RGS11: variants seen among roughly 807,000 people sequenced by gnomAD.
RGS11 encodes the protein regulator of G protein signaling 11, also known as regulator of G-protein signaling 11.
RGS11 carries 86 observed loss-of-function variants against 71.1 expected under a neutral mutation model. The observed-to-expected ratio is 1.21, with a 90% CI of 1.02 to 1.45. The LOEUF is 1.45. Ranked by LOEUF, RGS11 falls within the 40% of genes most tolerant of loss-of-function variation. RGS11 has a pLI of 0.00. For missense variants in RGS11, 734 were observed against 635.1 expected, an observed-to-expected ratio of 1.16 and a Z score of -1.67; for synonymous variants, 298 against 254.2, an observed-to-expected ratio of 1.17 and a Z score of -1.64.
In RGS11 at chr16:271,186, C is replaced by T. The variant is rs1443256493; in HGVS notation, c.863+16G>A. The T allele has an allele frequency of 6.2e-7, 1 of 1,610,872 alleles. No homozygotes were observed. The highest frequency in any genetic ancestry group is 2.2e-5 in the East Asian group (1 of 44,864). On this transcript the variant is annotated intron_variant, in intron 12 of 16. Coordinates refer to ENST00000397770, the MANE Select transcript of RGS11 (RefSeq NM_183337.3). ...TGGGAGCACACCCGCAGTCCCGCTG[C>T]CCCGCCTGGGCTCACGTGGGGGCAT...
At chr16:272,469 G>A in intron 9 of RGS11, 1 of 1,332,628 alleles carries the variant, frequency 7.5e-7, no homozygotes, top group Non-Finnish European at 9.8e-7. Context: ...CTCTGGTCTG[G>A]TCCCTCTGGT....
At chr16:270,115 G>C (rs1242088345) in intron 15 of RGS11, among the ~76,000 whole-genome samples, 1 of 152,072 alleles carries the variant, frequency 6.6e-6, no homozygotes, top group Non-Finnish European at 1.5e-5. Flanking sequence ...CGGGCGTGGT[G>C]GCGGGCGCCT....
intron 1 of RGS11, 103 bp from the exon 2 acceptor site, chr16:275,601 CGGCGGCGGCGGATTCCAGGCCGCAGCT>C: frequency 4.0e-6 from 4 of 994,654 alleles, no homozygotes; most frequent in Non-Finnish European, 5.6e-6. Flanking sequence ...GATTAACGCG[CGGCGGCGGCGGATTCCAGGCCGCAGCT>C]GGCGGCGGGG....
intron 4 of RGS11, chr16:274,675 TG>T: frequency 1.5e-6 from 1 of 666,696 alleles, no homozygotes; most frequent in South Asian, 1.5e-5. Context: ...CCTCAGGACC[TG>T]GGCCTAGGGA....
rs2052153749 is a variant in RGS11 at position 275,768 on chromosome 16, C to T, written c.63+81G>A. 2.2e-5 allele frequency: 6 copies of T among 278,016 alleles called. No homozygotes were observed. The South Asian group carries it at 8.8e-4, about 41-fold the overall frequency. 17.2% of individuals were successfully genotyped at this position (278,016 alleles called of 1,614,324 possible). ...AGGCCCGCCCCGCCCCGCGCGCCCC[C>T]GTGTCCCCATGCTCTCCGGCCCCTC... On this transcript the variant is annotated intron_variant, in intron 1 of 16. Transcript: ENST00000397770.
In RGS11 at chr16:268,890, T is replaced by C; in HGVS notation, c.*379A>G. ...GAAGCCGCCCGCCTGTGCATCTTGC[T>C]TCCGGGTATTCGCTGGCTGATTTAC... On this transcript the variant is annotated 3_prime_UTR_variant, in exon 17 of 17. Coordinates refer to ENST00000397770, the MANE Select transcript of RGS11 (RefSeq NM_183337.3). 1 of 1,550,542 alleles carries C rather than the reference T, an allele frequency of 6.4e-7. No individual in the cohort carries two copies. The highest frequency in any genetic ancestry group is 1.2e-5 in the South Asian group (1 of 84,064).
intron 15 of RGS11, 71 bp from the exon 16 acceptor site, chr16:269,656 C>T: frequency 1.6e-6 from 2 of 1,239,292 alleles, no homozygotes; most frequent in Non-Finnish European, 2.3e-6. Context: ...CCCGAAGGAG[C>T]AGCCAAACAT....
chr16:270,648 G>A lies in RGS11; in HGVS notation c.1081C>T (p.Pro361Ser), dbSNP rs1441210054. The A allele has an allele frequency of 1.9e-6, 3 of 1,609,874 alleles. No individual in the cohort carries two copies. The highest frequency in any genetic ancestry group is 2.7e-5 in the African/African-American group (2 of 74,874). ...ATGTTGACCCAGTGGGCAGCTCCGG[G>A]GGCCAGGAACTGCCTAGGGGTGGGG... ...VDAVYEQFLA[P>S]GAAHWVNIDS... Residue 361 changes from proline to serine, a missense_variant, in exon 15 of 17, where the codon CCC becomes TCC. Physicochemically the swap from Pro to Ser is moderately conservative, Grantham distance 74. Transcript: ENST00000397770.
rs768541429 is a variant in RGS11, at chr16:270,591, C to T, written c.1138G>A (p.Gly380Arg). 48 of 1,608,322 alleles carry T rather than the reference C, an allele frequency of 3.0e-5. No individual in the cohort carries two copies. The highest frequency in any genetic ancestry group is 3.7e-5 in the Non-Finnish European group (44 of 1,178,060). ...DSRTMEQTLEGLRQPHRYVLD... is the reference protein window; with the variant it reads ...DSRTMEQTLERLRQPHRYVLD... The stretch of plus-strand genomic sequence containing the variant: ...ACATAGCGGTGGGGCTGGCGCAGCC[C>T]CTCCAGGGTCTGCTCCATGGTCCGG... Residue 380 changes from glycine (G) to arginine (R), a missense_variant, in exon 15 of 17, where the codon GGG becomes AGG. Transcript: ENST00000397770.
Position 268,855 on chromosome 16 carries a change from G to C in RGS11, c.*414C>G, listed in dbSNP as rs888791829. On this transcript the variant is annotated 3_prime_UTR_variant, in exon 17 of 17. Coordinates refer to ENST00000397770, the MANE Select transcript of RGS11 (RefSeq NM_183337.3). ...GACCTGCATGTCCGCGTCTTGTGAC[G>C]GGTGTGTGGGAAGCCGCCCGCCTGT... is the stretch of plus-strand genomic sequence containing the variant. 4 of 1,550,294 alleles carry C rather than the reference G, an allele frequency of 2.6e-6. No homozygotes were observed. Among genetic ancestry groups the C allele is most frequent in the Non-Finnish European group, 3.5e-6 (4 of 1,146,972 alleles).
Position 274,036 on chromosome 16 carries a change from G to C in RGS11, c.429+7C>G. ...CCAGCCGGGGCGGGAAGGGTGGGGG[G>C]TCCCACCTTCTCATAATCCACCAGG... On this transcript the variant is annotated splice_region_variant and intron_variant, in intron 6 of 16. Transcript: ENST00000397770. 2 of 1,547,966 alleles carry C rather than the reference G, an allele frequency of 1.3e-6. No homozygotes were observed. Among genetic ancestry groups the C allele is most frequent in the Non-Finnish European group, 1.7e-6 (2 of 1,145,858 alleles).
Position 268,424 on chromosome 16 carries a change from G to A in RGS11, c.*845C>T, listed in dbSNP as rs984530452. 1.1e-5 allele frequency: 4 copies of A among 351,698 alleles called. No individual in the cohort carries two copies. The highest frequency in any genetic ancestry group is 1.6e-5 in the Non-Finnish European group (3 of 185,464). The allele number at this position is 351,698 out of a possible 1,614,324, so 21.8% of individuals were successfully genotyped here. A position where few individuals can be genotyped will look rare whatever the true frequency, so the allele number is the denominator to read the frequency against. On this transcript the variant is annotated 3_prime_UTR_variant, in exon 17 of 17. Coordinates refer to ENST00000397770, the MANE Select transcript of RGS11 (RefSeq NM_183337.3). ...GCACCGCCCTACCGCCGAGAGAGTT[G>A]AAGCTGCACCCCCGAAAGGAGCCAG...
intron 4 of RGS11, chr16:274,502 C>T (rs2052078124): frequency 3.3e-6 from 2 of 606,868 alleles, no homozygotes; most frequent in South Asian, 1.9e-5. Flanking sequence ...ACTGGTCACC[C>T]TAAGCCCCCA....
chr16:275,408 C>A lies in RGS11; in HGVS notation c.154G>T (p.Val52Leu). ...CCGCCCCGGCGCGCCTCACCTGTCA[C>A]CGCGTGGGGAATGACGGTGACCAGC... is the stretch of plus-strand genomic sequence containing the variant. ...RLLVTVIPHA[V>L]TGSDVVQWLA... The change falls in exon 2 of 17, where the codon GTG becomes TTG. Residue 52 changes from valine (V) to leucine (L), a missense_variant. Coordinates refer to ENST00000397770, the MANE Select transcript of RGS11 (RefSeq NM_183337.3). 1 of 1,606,476 alleles carries A rather than the reference C, an allele frequency of 6.2e-7. No homozygotes were observed. The highest frequency in any genetic ancestry group is 8.5e-7 in the Non-Finnish European group (1 of 1,179,250).
In RGS11 at chr16:269,362, C is replaced by G; in HGVS notation, c.1311G>C (p.Arg437Ser). The G allele has an allele frequency of 6.2e-7, 1 of 1,603,408 alleles. No individual in the cohort carries two copies. The highest frequency in any genetic ancestry group is 8.5e-7 in the Non-Finnish European group (1 of 1,175,584). ...MKRRVFPFTW[R>S]PRHSSPSPAL... ...CAGGGCTGGGGCTCGAGTGCCGTGG[C>G]CTCCACGTAAACGGGAACACGCTGT... The change falls in exon 17 of 17, where the codon AGG (arginine) becomes AGC (serine). Residue 437 changes from arginine to serine, a missense_variant. Transcript: ENST00000397770.
At chr16:271,146 T>G (rs376632971) in intron 12 of RGS11, 47 bp from the exon 13 acceptor site, 11 of 1,601,300 alleles carry the variant, frequency 6.9e-6, no homozygotes, top group Non-Finnish European at 9.4e-6. Context: ...CTGACCCTCC[T>G]GCGTCCCCCC....
At position 268,700 on chromosome 16, in the gene RGS11, G is replaced by A. The variant is rs2051782432; in HGVS notation, c.*569C>T. 1 of 1,462,288 alleles carries A rather than the reference G, an allele frequency of 6.8e-7. No individual in the cohort carries two copies. Among genetic ancestry groups the A allele is most frequent in the Non-Finnish European group, 9.3e-7 (1 of 1,078,528 alleles). 90.6% of individuals were successfully genotyped at this position (1,462,288 alleles called of 1,614,324 possible). A position where few individuals can be genotyped will look rare whatever the true frequency, so the allele number is the denominator to read the frequency against. ...AAATTCTGGAACGCGTTTGGCGAGG[G>A]AGGAATAGGCGCAGCTCCGGAAGGC... On this transcript the variant is annotated 3_prime_UTR_variant, in exon 17 of 17. Coordinates refer to ENST00000397770, the MANE Select transcript of RGS11 (RefSeq NM_183337.3).
At chr16:273,433 G>A (rs1004606125) in intron 8 of RGS11, 42 bp downstream of exon 8, 1 of 1,477,000 alleles carries the variant, frequency 6.8e-7, no homozygotes. Flanking sequence ...GCTGACCCCT[G>A]CGCTGGCCAG....
chr16:275,766 C>A, intron 1 of RGS11, 83 bp downstream of exon 1: 1 of 270,456 alleles, frequency 3.7e-6, no homozygotes, highest in South Asian at 1.9e-4. Context: ...CCCGCGCGCC[C>A]CCGTGTCCCC....
Sources: gnomAD v4.1 joint callset for allele counts (sites outside exome capture counted in the v4.1 genomes callset) on GRCh38, gnomAD v4.1.1 for gene constraint, MANE v1.5 for transcripts, NCBI Gene and HGNC (gene_info 2026-07-23, HGNC 2026-07-21) for gene names.